Variants in MKX observed in about 807,000 individuals in gnomAD.
MKX encodes the protein mohawk homeobox.
A neutral mutation model predicts 36.0 loss-of-function variants in MKX; 13 were observed. The ratio of observed to expected loss-of-function variants is 0.36; its 90% confidence interval spans 0.24 to 0.57. MKX has a LOEUF of 0.57. Ranked by LOEUF, MKX falls within the 20% of genes least tolerant of loss-of-function variation. MKX has a pLI of 0.79. For synonymous variants in MKX, 176 were observed against 178.3 expected (o/e 0.99, Z 0.10); for missense variants, 458 against 456.4 (o/e 1.00, Z -0.03).
At chr10:27,726,423 T>C (rs1052348368) in intron 5 of MKX, among the ~76,000 whole-genome samples, 1 of 152,212 alleles carries the variant, frequency 6.6e-6, no homozygotes, top group Admixed American at 6.5e-5. Context: ...CTGTGCTTTA[T>C]TTCTTAAGTC....
At position 27,734,616 on chromosome 10, in the gene MKX, G is replaced by A. The variant is rs1191599980; in HGVS notation, c.678C>T (p.Tyr226=). 6.4e-5 allele frequency: 104 copies of A among 1,614,040 alleles called. No individual in the cohort carries two copies. The highest frequency in any genetic ancestry group is 8.7e-5 in the Non-Finnish European group (103 of 1,180,040). ...PKYKSSLLNR[Y]LNDSLRHVMA... ...TGACATGTCTCAAAGAGTCATTAAGGTAACGGTTCAACAAGCTGCTCTTGT... is the reference window on the plus strand; with the variant it reads ...TGACATGTCTCAAAGAGTCATTAAGATAACGGTTCAACAAGCTGCTCTTGT... The change falls in exon 5 of 7, where the codon TAC becomes TAT. Residue 226 remains tyrosine (Y), a synonymous_variant. Transcript: ENST00000419761.
intron 5 of MKX, among the ~76,000 whole-genome samples, chr10:27,690,980 T>G (rs1836443908): frequency 6.6e-6 from 1 of 152,134 alleles, no homozygotes; most frequent in Non-Finnish European, 1.5e-5. Flanking sequence ...TTTTCCCTGC[T>G]CTTGCTCACT....
chr10:27,741,521 G>A lies in MKX; in HGVS notation c.189-17C>T, dbSNP rs1014667420. The A allele has an allele frequency of 2.8e-5, 44 of 1,571,456 alleles. No individual in the cohort carries two copies. The highest frequency in any genetic ancestry group is 3.7e-5 in the Non-Finnish European group (43 of 1,163,266). ...TGCCGGGCGCTGGGACATGGGGAGA[G>A]GAGGCGGCCCTGGTGAGCGACGCGT... On this transcript the variant is annotated splice_polypyrimidine_tract_variant and intron_variant, in intron 2 of 6. Coordinates refer to ENST00000419761, the MANE Select transcript of MKX (RefSeq NM_173576.3). The surrounding 1 kb of genome is among the most constrained non-coding windows in gnomAD (Gnocchi z 5.1).
At chr10:27,724,950 T>C (rs1409616325) in intron 5 of MKX, among the ~76,000 whole-genome samples, 1 of 152,092 alleles carries the variant, frequency 6.6e-6, no homozygotes, top group East Asian at 1.9e-4. Context: ...CCACTCTAGC[T>C]ATTAAAAGAG....
intron 5 of MKX, among the ~76,000 whole-genome samples, chr10:27,725,787 A>C (rs1834475640): frequency 6.6e-6 from 1 of 152,172 alleles, no homozygotes; most frequent in South Asian, 2.1e-4. Flanking sequence ...CTTAGGCCAC[A>C]GAAGCATCAA....
At chr10:27,739,632 A>G (rs1230703389) in intron 3 of MKX, among the ~76,000 whole-genome samples, 5 of 152,158 alleles carry the variant, frequency 3.3e-5, no homozygotes, top group African/African-American at 4.8e-5. Flanking sequence ...AAACCACTAC[A>G]TAAGAAAGTT....
At chr10:27,701,063 G>A (rs1836642735) in intron 5 of MKX, among the ~76,000 whole-genome samples, 1 of 152,170 alleles carries the variant, frequency 6.6e-6, no homozygotes, top group Admixed American at 6.5e-5. Context: ...TAGGCTGGAT[G>A]CCTCTAGCAG....
At chr10:27,705,140 C>G (rs1200340512) in intron 5 of MKX, among the ~76,000 whole-genome samples, 1 of 152,070 alleles carries the variant, frequency 6.6e-6, no homozygotes, top group African/African-American at 2.4e-5. Flanking sequence ...TTTAATGACA[C>G]TGCATCTACA....
intron 5 of MKX, among the ~76,000 whole-genome samples, chr10:27,693,013 A>G (rs574144511): frequency 6.6e-6 from 1 of 152,346 alleles, no homozygotes; most frequent in South Asian, 2.1e-4. Flanking sequence ...GAGGATAGAG[A>G]GGATCCTATC....
intron 5 of MKX, among the ~76,000 whole-genome samples, chr10:27,689,746 A>G (rs1836419618): frequency 6.6e-6 from 1 of 152,002 alleles, no homozygotes; most frequent in Admixed American, 6.6e-5. Context: ...TCTACTCTAA[A>G]TTTTGCCCAG....
chr10:27,736,673 C>A (rs1834785964), intron 3 of MKX, among the ~76,000 whole-genome samples: 1 of 151,642 alleles, frequency 6.6e-6, no homozygotes, highest in Non-Finnish European at 1.5e-5. Context: ...TATAAATACA[C>A]ATTTTTTGTG....
chr10:27,676,294 AG>A (rs149370393), intron 5 of MKX, among the ~76,000 whole-genome samples: 3,674 of 115,770 alleles, frequency 0.032, 207 homozygotes, highest in African/African-American at 0.11. Context: ...AAAATAAAAA[AG>A]GGGGGGGTTC....
intron 5 of MKX, among the ~76,000 whole-genome samples, chr10:27,698,836 T>G (rs746405643): frequency 1.3e-5 from 2 of 152,016 alleles, no homozygotes; most frequent in Non-Finnish European, 2.9e-5. Context: ...ATGTGGAAAG[T>G]CAGTCGCATA....
chr10:27,715,235 C>T (rs1175127636), intron 5 of MKX, among the ~76,000 whole-genome samples: 1 of 152,186 alleles, frequency 6.6e-6, no homozygotes, highest in African/African-American at 2.4e-5. Flanking sequence ...TGTTATGTTG[C>T]TGGAGTCCCT....
intron 5 of MKX, among the ~76,000 whole-genome samples, chr10:27,727,581 C>T (rs761349321): frequency 3.3e-5 from 5 of 152,268 alleles, no homozygotes; most frequent in Middle Eastern, 3.4e-3. Flanking sequence ...TATGGTATTC[C>T]GAATAGTGCT....
In MKX at chr10:27,740,119, G is replaced by C. The variant is rs73604053; in HGVS notation, c.348+1226C>G. Among the ~76,000 whole-genome samples, 662 of 152,226 alleles carry C rather than the reference G, an allele frequency of 4.3e-3. 20 individuals are homozygous for C. Among genetic ancestry groups the C allele is most frequent in the Admixed American group, 0.039 (597 of 15,292 alleles). ...TATTCTGAAAATAAGCAGAAATTAC[G>C]TATTCTAGTATTGATAGCCTGACAA... On this transcript the variant is annotated intron_variant, in intron 3 of 6. Coordinates refer to ENST00000419761, the MANE Select transcript of MKX (RefSeq NM_173576.3).
chr10:27,702,164 C>T lies in MKX; in HGVS notation c.839-26610G>A, dbSNP rs112252702. Among the ~76,000 whole-genome samples, 889 of 152,204 alleles carry T rather than the reference C, an allele frequency of 5.8e-3. 9 individuals carry two copies. The highest frequency in any genetic ancestry group is 0.02 in the African/African-American group (838 of 41,530). Reference sequence around the variant, plus strand: ...ACTCTCTTCTGAAGCCAGGCACGGACAAAGCCAAAAGCATCTCCCAAAGCC... The same window carrying T: ...ACTCTCTTCTGAAGCCAGGCACGGATAAAGCCAAAAGCATCTCCCAAAGCC... On this transcript the variant is annotated intron_variant, in intron 5 of 6. Transcript: ENST00000419761.
intron 5 of MKX, among the ~76,000 whole-genome samples, chr10:27,690,080 C>T (rs1836425751): frequency 6.6e-6 from 1 of 152,104 alleles, no homozygotes; most frequent in Non-Finnish European, 1.5e-5. Flanking sequence ...ATTGCTTAAA[C>T]CTAACAAGTC....
intron 5 of MKX, among the ~76,000 whole-genome samples, chr10:27,699,061 A>G (rs897139523): frequency 1.3e-5 from 2 of 152,210 alleles, no homozygotes; most frequent in African/African-American, 2.4e-5. Context: ...TCCATACTCT[A>G]TTTACTCTCA....
Sources: gnomAD v4.1 joint callset for allele counts (sites outside exome capture counted in the v4.1 genomes callset) on GRCh38, gnomAD v4.1.1 for gene constraint, Gnocchi (gnomAD v3.1) non-coding constraint, MANE v1.5 for transcripts, NCBI Gene and HGNC (gene_info 2026-07-23, HGNC 2026-07-21) for gene names.